Variants in CPNE4 observed in about 807,000 individuals in gnomAD.
The protein encoded by CPNE4 is copine-4.
CPNE4 carries 25 observed loss-of-function variants against 67.9 expected under a neutral mutation model. That is an observed-to-expected ratio of 0.37 (90% CI 0.27 to 0.51). The LOEUF (loss-of-function observed/expected upper bound fraction) is 0.51. Ranked by LOEUF, CPNE4 falls within the 20% of genes least tolerant of loss-of-function variation. The probability of loss-of-function intolerance (pLI) is 0.93; values close to 1 mark genes in which losing one functional copy is unlikely to be tolerated. For missense variants in CPNE4, 464 were observed against 690.8 expected, an observed-to-expected ratio of 0.67 and a Z score of 3.68; for synonymous variants, 242 against 244.9, an observed-to-expected ratio of 0.99 and a Z score of 0.11.
At position 131,848,516 on chromosome 3, in the gene CPNE4, TAAGA is replaced by T. The variant is rs59792229; in HGVS notation, c.180+56744_180+56747del. On this transcript the variant is annotated intron_variant, in intron 2 of 15. Transcript: ENST00000429747. ...GGGGAGGACTACTTGTTGTTAAATA[TAAGA>T]AAGGAAAGGAAGAAAAGTACCAAGC... Among the ~76,000 whole-genome samples, 1,141 of 152,034 alleles carry T rather than the reference TAAGA, an allele frequency of 7.5e-3. 15 individuals are homozygous for T. The highest frequency in any genetic ancestry group is 0.027 in the African/African-American group (1,100 of 41,484).
At chr3:131,848,590 T>C (rs2107637046) in intron 2 of CPNE4, among the ~76,000 whole-genome samples, 1 of 151,736 alleles carries the variant, frequency 6.6e-6, no homozygotes, top group East Asian at 1.9e-4. Context: ...TTTATTCTGC[T>C]GTGAATTCTA....
At chr3:131,870,529 TCAAGGAGAAAAGTC>T (rs764489160) in intron 2 of CPNE4, among the ~76,000 whole-genome samples, 14 of 152,196 alleles carry the variant, frequency 9.2e-5, no homozygotes, top group South Asian at 8.3e-4. Flanking sequence ...GGAAAGGAAG[TCAAGGAGAAAAGTC>T]CAATAAACTC....
intron 1 of CPNE4, among the ~76,000 whole-genome samples, chr3:131,975,758 T>C (rs2072632778): frequency 6.6e-6 from 1 of 152,170 alleles, no homozygotes; most frequent in South Asian, 2.1e-4. Flanking sequence ...TCTGTTTGTG[T>C]ATTCGAATCA....
Position 131,542,670 on chromosome 3 carries a change from C to T in CPNE4, c.1426G>A (p.Asp476Asn). The T allele has an allele frequency of 6.2e-7, 1 of 1,614,120 alleles. No homozygotes were observed. Among genetic ancestry groups the T allele is most frequent in the Non-Finnish European group, 8.5e-7 (1 of 1,179,990 alleles). Reference protein sequence around the residue: ...SVIIVGVGNADFSDMQMLDGD... With the variant: ...SVIIVGVGNANFSDMQMLDGD... ...TCCAGCATCTGCATGTCACTGAAGT[C>T]AGCGTTCCCTACTCCCACGATGATG... The change falls in exon 15 of 16, where the codon GAC (aspartate) becomes AAC (asparagine). Residue 476 changes from aspartate to asparagine, a missense_variant. Asp to Asn is a conservative substitution (Grantham distance 23). Coordinates refer to ENST00000429747, the MANE Select transcript of CPNE4 (RefSeq NM_130808.3).
rs571157499 is a variant in CPNE4 at position 131,701,100 on chromosome 3, G to C, written c.361-1120C>G. On this transcript the variant is annotated intron_variant, in intron 3 of 15. Coordinates refer to ENST00000429747, the MANE Select transcript of CPNE4 (RefSeq NM_130808.3). ...CACACACTGGGGCCTGTTGTGGGGT[G>C]GGGGGAGGGAGGAGGGATAGCATTA... Among the ~76,000 whole-genome samples the C allele has an allele frequency of 5.8e-3, 679 of 117,062 alleles. 4 individuals are homozygous for C. Among genetic ancestry groups the C allele is most frequent in the South Asian group, 8.8e-3 (24 of 2,736 alleles). 76.8% of individuals were successfully genotyped at this position (117,062 alleles called of 152,430 possible).
intron 7 of CPNE4, among the ~76,000 whole-genome samples, chr3:131,603,843 A>G (rs1038640224): frequency 6.6e-6 from 1 of 152,190 alleles, no homozygotes; most frequent in Non-Finnish European, 1.5e-5. Flanking sequence ...TTGAAGAAGC[A>G]TTGGTCAGAG....
intron 6 of CPNE4, among the ~76,000 whole-genome samples, chr3:131,679,033 T>A (rs2080661063): frequency 6.6e-6 from 1 of 152,208 alleles, no homozygotes. Flanking sequence ...TCTGGTAGAA[T>A]TAAGCTTTGA....
At chr3:131,827,675 A>G (rs1047408103) in intron 2 of CPNE4, among the ~76,000 whole-genome samples, 3 of 152,112 alleles carry the variant, frequency 2.0e-5, no homozygotes, top group Admixed American at 6.5e-5. Flanking sequence ...TTATATCATA[A>G]GAAAAGGTCA....
intron 1 of CPNE4, among the ~76,000 whole-genome samples, chr3:131,962,421 GCAC>G (rs898750754): frequency 1.4e-4 from 22 of 152,102 alleles, no homozygotes; most frequent in African/African-American, 4.8e-4. Flanking sequence ...CACATGCAAT[GCAC>G]CACCACCACA....
rs1248950707 is a variant in CPNE4, at chr3:131,978,345, TTTATATAG to T, written c.-2+56214_-2+56221del. Among the ~76,000 whole-genome samples, 2 of 1,784 alleles carry T rather than the reference TTTATATAG, an allele frequency of 1.1e-3. 1 individual carries two copies. The highest frequency in any genetic ancestry group is 0.014 in the African/African-American group (2 of 142). 1.2% of individuals were successfully genotyped at this position (1,784 alleles called of 152,430 possible). A position where few individuals can be genotyped will look rare whatever the true frequency, so the allele number is the denominator to read the frequency against. Reference sequence around the variant, plus strand: ...TTATATATTTATATATATTTATATATTTATATAGATTTATATATATTTATATATATATT... The same window carrying T: ...TTATATATTTATATATATTTATATATATTTATATATATTTATATATATATT... On this transcript the variant is annotated intron_variant, in intron 1 of 15. Transcript: ENST00000429747.
Position 131,813,492 on chromosome 3 carries a change from A to G in CPNE4, c.181-89867T>C, listed in dbSNP as rs547687961. Among the ~76,000 whole-genome samples, 162 of 149,280 alleles carry G rather than the reference A, an allele frequency of 1.1e-3. 1 individual carries two copies. The highest frequency in any genetic ancestry group is 3.5e-3 in the African/African-American group (143 of 41,084). The stretch of plus-strand genomic sequence containing the variant: ...TTATTTATATGTATTTATTTAAAAT[A>G]TATATTTAAAATATATTTTTTCTAT... On this transcript the variant is annotated intron_variant, in intron 2 of 15. Coordinates refer to ENST00000429747, the MANE Select transcript of CPNE4 (RefSeq NM_130808.3).
Position 131,714,193 on chromosome 3 carries a change from C to T in CPNE4, c.360+9253G>A, listed in dbSNP as rs567445424. Among the ~76,000 whole-genome samples the T allele has an allele frequency of 1.1e-4, 16 of 152,172 alleles. No homozygotes were observed. The South Asian group carries it at 3.1e-3, about 30-fold the overall frequency. ...CATTACATTGAGTTTGGGTAGCACC[C>T]TCAGCATCATCATAACACCCAGTGT... On this transcript the variant is annotated intron_variant, in intron 3 of 15. Coordinates refer to ENST00000429747, the MANE Select transcript of CPNE4 (RefSeq NM_130808.3).
In CPNE4 at chr3:131,535,219, T is replaced by A; in HGVS notation, c.1650A>T (p.Glu550Asp). Reference protein sequence around the residue: ...IKPKCSSEMYESSRTLAP With the variant: ...IKPKCSSEMYDSSRTLAP ...TTCATGGTGCTAGTGTTCTGGAAGA[T>A]TCATACATTTCTGATGAACATTTTG... The change falls in exon 16 of 16, where the codon GAA becomes GAT. Residue 550 changes from glutamate (E) to aspartate (D), a missense_variant. Physicochemically the swap from Glu to Asp is conservative, Grantham distance 45. Transcript: ENST00000429747. 6.2e-7 allele frequency: 1 copy of A among 1,613,416 alleles called. No homozygotes were observed. The highest frequency in any genetic ancestry group is 8.5e-7 in the Non-Finnish European group (1 of 1,179,872).
chr3:131,548,806 T>C (rs986132150), intron 14 of CPNE4, among the ~76,000 whole-genome samples: 1 of 152,160 alleles, frequency 6.6e-6, no homozygotes, highest in African/African-American at 2.4e-5. Context: ...ACTCCAAGTA[T>C]GATGAGAAGT....
At chr3:131,748,411 TAA>T (rs2082545051) in intron 2 of CPNE4, among the ~76,000 whole-genome samples, 5 of 152,032 alleles carry the variant, frequency 3.3e-5, no homozygotes, top group Admixed American at 3.3e-4. Flanking sequence ...TTTTTTTTAA[TAA>T]TTTTTTTGTC....
intron 1 of CPNE4, among the ~76,000 whole-genome samples, chr3:132,024,480 A>C (rs1163500599): frequency 8.7e-6 from 1 of 115,444 alleles, no homozygotes; most frequent in African/African-American, 3.4e-5. Flanking sequence ...TTTTGGAGCA[A>C]AATGGTTTTT....
chr3:131,661,310 G>A (rs1220439333), intron 7 of CPNE4, among the ~76,000 whole-genome samples: 1 of 152,190 alleles, frequency 6.6e-6, no homozygotes, highest in African/African-American at 2.4e-5. Context: ...ACTAAGCTCT[G>A]TAATTATAAG....
rs1426890966 is a variant in CPNE4, at chr3:132,034,718, CGTCCTCCGAGGTCA to C, written c.-167_-154del. The stretch of plus-strand genomic sequence containing the variant: ...GGGGCGTCGCACCTCCTTCCCCTCT[CGTCCTCCGAGGTCA>C]GTTTAGCAACAGCGGCTGGGAAAGG... On this transcript the variant is annotated 5_prime_UTR_variant, in exon 1 of 16. Transcript: ENST00000429747. 2 of 985,118 alleles carry C rather than the reference CGTCCTCCGAGGTCA, an allele frequency of 2.0e-6. No individual in the cohort carries two copies. Among genetic ancestry groups the C allele is most frequent in the Non-Finnish European group, 2.4e-6 (2 of 830,044 alleles). 61.0% of individuals were successfully genotyped at this position (985,118 alleles called of 1,614,324 possible). A position where few individuals can be genotyped will look rare whatever the true frequency, so the allele number is the denominator to read the frequency against.
At chr3:131,966,732 A>G (rs1466304637) in intron 1 of CPNE4, among the ~76,000 whole-genome samples, 1 of 152,228 alleles carries the variant, frequency 6.6e-6, no homozygotes, top group African/African-American at 2.4e-5. Context: ...AGTAATTAAT[A>G]GACTACCAAA....
Sources: allele counts gnomAD v4.1 joint callset (sites outside exome capture counted in the v4.1 genomes callset), GRCh38; gene constraint gnomAD v4.1.1; transcripts MANE v1.5; gene names NCBI Gene and HGNC (gene_info 2026-07-23, HGNC 2026-07-21).